Variants in GNAZ observed in about 807,000 individuals in gnomAD.
GNAZ encodes guanine nucleotide-binding protein G(z) subunit alpha.
Under a neutral mutation model 25.4 loss-of-function variants are expected in GNAZ, and 3 were observed. The observed-to-expected ratio is 0.12, with a 90% confidence interval of 0.05 to 0.30. The LOEUF is 0.30. Ranked by LOEUF, GNAZ falls within the 10% of genes least tolerant of loss-of-function variation. The probability of loss-of-function intolerance (pLI) is 1.00; values close to 1 mark genes in which losing one functional copy is unlikely to be tolerated. For synonymous variants in GNAZ, 211 were observed against 205.7 expected (o/e 1.03, Z -0.22); for missense variants, 241 against 501.8 (o/e 0.48, Z 4.97).
intron 2 of GNAZ, among the ~76,000 whole-genome samples, chr22:23,110,422 C>A (rs950473468): frequency 1.4e-4 from 21 of 152,218 alleles, no homozygotes; most frequent in African/African-American, 5.1e-4. Context: ...GGAGGCCCAC[C>A]CCACCCATGG....
chr22:23,121,503 T>C (rs1452378513), intron 2 of GNAZ, among the ~76,000 whole-genome samples: 3 of 152,294 alleles, frequency 2.0e-5, no homozygotes, highest in East Asian at 3.9e-4. Context: ...TTGGAGCACA[T>C]ATCCTGCCTC....
intron 2 of GNAZ, among the ~76,000 whole-genome samples, chr22:23,115,254 C>T (rs1266667433): frequency 6.6e-6 from 1 of 152,176 alleles, no homozygotes; most frequent in Admixed American, 6.5e-5. Flanking sequence ...CCGGGGGCCC[C>T]TCACCTGGCT....
At chr22:23,122,124 T>TA (rs1389605177) in intron 2 of GNAZ, among the ~76,000 whole-genome samples, 1 of 152,204 alleles carries the variant, frequency 6.6e-6, no homozygotes, top group Non-Finnish European at 1.5e-5. Context: ...GAAGCAGGGG[T>TA]AGCTTTTGCC....
rs1457866450 is a variant in GNAZ, at chr22:23,096,212, G to A, written c.517G>A (p.Glu173Lys). ...IAAADYIPTV[E>K]DILRSRDMTT... ...CGCAGCTGACTATATCCCCACTGTCGAGGACATCCTGCGCTCCCGGGACAT... is the reference window on the plus strand; with the variant it reads ...CGCAGCTGACTATATCCCCACTGTCAAGGACATCCTGCGCTCCCGGGACAT... Residue 173 changes from glutamate to lysine, a missense_variant, in exon 2 of 3, where the codon GAG becomes AAG. Transcript: ENST00000615612. The A allele has an allele frequency of 3.7e-6, 6 of 1,613,788 alleles. No homozygotes were observed. The highest frequency in any genetic ancestry group is 1.1e-5 in the South Asian group (1 of 91,080).
At chr22:23,113,920 A>G (rs549517869) in intron 2 of GNAZ, among the ~76,000 whole-genome samples, 3 of 152,248 alleles carry the variant, frequency 2.0e-5, no homozygotes, top group Non-Finnish European at 4.4e-5. Flanking sequence ...TCACTGTGTC[A>G]GCAGTGCCCC....
At position 23,096,301 on chromosome 22, in the gene GNAZ, G is replaced by T. The variant is rs201266285; in HGVS notation, c.606G>T (p.Val202=). The change falls in exon 2 of 3, where the codon GTG becomes GTT. Residue 202 remains valine (V), a synonymous_variant. Transcript: ENST00000615612. ...AGCTCACCTTCAAGATGGTGGACGT[G>T]GGGGGGCAGAGGTCAGAGCGCAAAA... is the stretch of plus-strand genomic sequence containing the variant. ...FKELTFKMVD[V]GGQRSERKKW... is the part of the protein sequence containing the mutation. The T allele has an allele frequency of 1.4e-5, 23 of 1,613,738 alleles. No individual in the cohort carries two copies. The highest frequency in any genetic ancestry group is 1.6e-4 in the Middle Eastern group (1 of 6,080).
intron 2 of GNAZ, among the ~76,000 whole-genome samples, chr22:23,119,399 C>T (rs895056355): frequency 6.6e-6 from 1 of 152,350 alleles, no homozygotes; most frequent in African/African-American, 2.4e-5. Flanking sequence ...AGGGTCCTGA[C>T]TTTGTAACCG....
At chr22:23,085,959 T>C (rs2068807435) in intron 1 of GNAZ, among the ~76,000 whole-genome samples, 1 of 152,256 alleles carries the variant, frequency 6.6e-6, no homozygotes, top group South Asian at 2.1e-4. Context: ...CAGCAGGCGC[T>C]AATCCCCGCT....
intron 1 of GNAZ, among the ~76,000 whole-genome samples, chr22:23,075,383 G>A (rs1003860973): frequency 6.6e-6 from 1 of 152,172 alleles, no homozygotes; most frequent in Non-Finnish European, 1.5e-5. Flanking sequence ...TTGCCCCTTG[G>A]TCTGTGGACC....
At chr22:23,074,168 C>T (rs1035711121) in intron 1 of GNAZ, among the ~76,000 whole-genome samples, 3 of 151,984 alleles carry the variant, frequency 2.0e-5, no homozygotes, top group African/African-American at 7.3e-5. Context: ...AGAGAAGAGA[C>T]TGGAGCTGCC....
At chr22:23,083,100 CACAG>C (rs1208198418) in intron 1 of GNAZ, among the ~76,000 whole-genome samples, 2 of 152,092 alleles carry the variant, frequency 1.3e-5, no homozygotes, top group South Asian at 2.1e-4. Flanking sequence ...GGACTCTCCA[CACAG>C]ACAGAAGGAA....
chr22:23,091,224 A>T (rs1157298700), intron 1 of GNAZ, among the ~76,000 whole-genome samples: 2 of 152,326 alleles, frequency 1.3e-5, no homozygotes, highest in East Asian at 3.9e-4. Flanking sequence ...ATGAACAGAC[A>T]CATGCACACA....
chr22:23,087,393 G>T (rs2068849234), intron 1 of GNAZ, among the ~76,000 whole-genome samples: 1 of 152,156 alleles, frequency 6.6e-6, no homozygotes, highest in Admixed American at 6.5e-5. Context: ...GAGCCCGGGG[G>T]GTTGAGGCTG....
intron 1 of GNAZ, among the ~76,000 whole-genome samples, chr22:23,072,659 G>T (rs1192699353): frequency 6.6e-6 from 1 of 152,252 alleles, no homozygotes; most frequent in Non-Finnish European, 1.5e-5. Context: ...CCCTCGTGGG[G>T]TGTGCAGTCT....
In GNAZ at chr22:23,095,282, G is replaced by C; in HGVS notation, c.-414G>C. On this transcript the variant is annotated 5_prime_UTR_variant, in exon 2 of 3. Coordinates refer to ENST00000615612, the MANE Select transcript of GNAZ (RefSeq NM_002073.4). ...GGATGCACAGTGGGAGCCGGAGGCG[G>C]GGGGCTGCAGGGAGCACACCAGCGA... 5.0e-6 allele frequency: 1 copy of C among 198,118 alleles called. No individual in the cohort carries two copies. The highest frequency in any genetic ancestry group is 1.0e-5 in the Non-Finnish European group (1 of 96,812). 12.3% of individuals were successfully genotyped at this position (198,118 alleles called of 1,614,324 possible). A position where few individuals can be genotyped will look rare whatever the true frequency, so the allele number is the denominator to read the frequency against.
intron 2 of GNAZ, among the ~76,000 whole-genome samples, chr22:23,096,943 C>G (rs774001275): frequency 6.6e-6 from 1 of 152,124 alleles, no homozygotes; most frequent in Non-Finnish European, 1.5e-5. Flanking sequence ...CAGTGTGAAG[C>G]GGTGGGGGCT....
intron 2 of GNAZ, among the ~76,000 whole-genome samples, chr22:23,102,266 T>C (rs576096393): frequency 1.4e-4 from 22 of 152,322 alleles, no homozygotes; most frequent in African/African-American, 5.0e-4. Flanking sequence ...GCTTTATGCG[T>C]GACCCCATGG....
chr22:23,082,514 C>T (rs900680662), intron 1 of GNAZ, among the ~76,000 whole-genome samples: 1 of 151,876 alleles, frequency 6.6e-6, no homozygotes, highest in Non-Finnish European at 1.5e-5. Flanking sequence ...CCACCGCGCC[C>T]GGCCTCGTTG....
At chr22:23,090,693 T>C (rs1165725575) in intron 1 of GNAZ, among the ~76,000 whole-genome samples, 2 of 152,070 alleles carry the variant, frequency 1.3e-5, no homozygotes, top group Non-Finnish European at 2.9e-5. Context: ...TTCATACTCA[T>C]CTCTTACCAG....
Sources: allele counts gnomAD v4.1 joint callset (sites outside exome capture counted in the v4.1 genomes callset), GRCh38; gene constraint gnomAD v4.1.1; transcripts MANE v1.5; gene names NCBI Gene and HGNC (gene_info 2026-07-23, HGNC 2026-07-21).